The following NTRK3 variants were observed in gnomAD, a reference collection of about 807,000 sequenced individuals.
The protein encoded by NTRK3 is neurotrophic receptor tyrosine kinase 3.
NTRK3 carries 24 observed loss-of-function variants against 91.7 expected under a neutral mutation model. That is an observed-to-expected ratio of 0.26 (90% CI 0.19 to 0.37). NTRK3 has a LOEUF of 0.37. Ranked by LOEUF, NTRK3 falls within the 10% of genes least tolerant of loss-of-function variation. The pLI, the probability that NTRK3 is intolerant of heterozygous loss-of-function variation, is 1.00. For synonymous variants in NTRK3, 483 were observed against 404.0 expected, an observed-to-expected ratio of 1.20 and a Z score of -2.34; for missense variants, 880 against 1,068.9, an observed-to-expected ratio of 0.82 and a Z score of 2.46.
intron 10 of NTRK3, among the ~76,000 whole-genome samples, 173 bp downstream of exon 10, chr15:88,134,928 A>G (rs1416798083): frequency 6.6e-6 from 1 of 152,226 alleles, no homozygotes; most frequent in Non-Finnish European, 1.5e-5. Flanking sequence ...TGGAGACTCT[A>G]TCCTTGTTTA....
chr15:88,105,977 A>G (rs28542257), intron 13 of NTRK3, among the ~76,000 whole-genome samples: 18,249 of 152,308 alleles, frequency 0.12, 1,263 homozygotes, highest in African/African-American at 0.17. Context: ...GTCTTAGCCC[A>G]GAGTGTTCAC....
chr15:87,869,915 T>C (rs934992405), exon 19 of NTRK3: 3 of 190,908 alleles, frequency 1.6e-5, no homozygotes, highest in African/African-American at 2.3e-5. Flanking sequence ...GAAACTCCCA[T>C]GTGTTCTTCT....
intron 5 of NTRK3, among the ~76,000 whole-genome samples, chr15:88,153,832 GC>G (rs1209111536): frequency 6.6e-6 from 1 of 151,752 alleles, no homozygotes; most frequent in African/African-American, 2.4e-5. Context: ...TGAGGGCTCT[GC>G]CCCCATGATC....
At chr15:87,999,871 T>C (rs1051633636) in intron 14 of NTRK3, among the ~76,000 whole-genome samples, 4 of 152,130 alleles carry the variant, frequency 2.6e-5, no homozygotes. Flanking sequence ...ACCAGACAAA[T>C]TTCCACCATC....
intron 5 of NTRK3, among the ~76,000 whole-genome samples, chr15:88,166,932 G>T (rs1676432771): frequency 6.6e-6 from 1 of 151,968 alleles, no homozygotes; most frequent in African/African-American, 2.4e-5. Context: ...TTTCCTGCTT[G>T]CTTGTATGTG....
intron 14 of NTRK3, among the ~76,000 whole-genome samples, chr15:87,949,513 T>C (rs779893971): frequency 6.6e-6 from 1 of 151,124 alleles, no homozygotes; most frequent in Non-Finnish European, 1.5e-5. Flanking sequence ...CTGGAAGCAG[T>C]GAAGAGAGAG....
rs141464626 is a variant in NTRK3 at position 88,020,403 on chromosome 15, G to A, written c.1585+12454C>T. Among the ~76,000 whole-genome samples the A allele has an allele frequency of 6.5e-3, 997 of 152,276 alleles. 6 individuals are homozygous for A. Among genetic ancestry groups the A allele is most frequent in the Non-Finnish European group, 0.011 (738 of 68,026 alleles). ...AGCATCTTCATAGCTGTGGAGCCGG[G>A]TGATAAAATGCTGCTTCTTAGAGTT... On this transcript the variant is annotated intron_variant, in intron 14 of 18. Coordinates refer to ENST00000394480, the Ensembl canonical transcript of NTRK3.
intron 14 of NTRK3, among the ~76,000 whole-genome samples, chr15:87,987,900 A>G (rs1346931724): frequency 6.6e-6 from 1 of 151,690 alleles, no homozygotes; most frequent in South Asian, 2.1e-4. Flanking sequence ...TAATAATAAT[A>G]AATATAAGAT....
intron 17 of NTRK3, chr15:87,928,891 G>C (rs1400879064): frequency 7.0e-6 from 4 of 572,366 alleles, no homozygotes; most frequent in Non-Finnish European, 1.2e-5. Context: ...ACATGTATGA[G>C]TATGTTTACA....
At chr15:88,142,924 A>G (rs1408266996) in intron 6 of NTRK3, among the ~76,000 whole-genome samples, 1 of 152,164 alleles carries the variant, frequency 6.6e-6, no homozygotes, top group East Asian at 1.9e-4. Context: ...GGTACCCTTA[A>G]AAAAGAAATA....
intron 14 of NTRK3, among the ~76,000 whole-genome samples, chr15:87,947,068 G>A (rs540239626): frequency 1.4e-4 from 22 of 151,992 alleles, no homozygotes; most frequent in Non-Finnish European, 2.1e-4. Context: ...TAGTAGAGAT[G>A]GCATTTCACC....
At chr15:87,959,181 G>A (rs1214174347) in intron 14 of NTRK3, among the ~76,000 whole-genome samples, 1 of 152,080 alleles carries the variant, frequency 6.6e-6, no homozygotes, top group East Asian at 1.9e-4. Context: ...CTCATGGCTC[G>A]AACTGCCGCC....
At chr15:88,029,363 T>C (rs566913913) in intron 14 of NTRK3, among the ~76,000 whole-genome samples, 334 of 152,284 alleles carry the variant, frequency 2.2e-3, no homozygotes, top group Admixed American at 4.4e-3. Context: ...CAGCCTGACA[T>C]GCTAGGAAAA....
At chr15:88,146,348 G>T (rs1474784093) in intron 6 of NTRK3, among the ~76,000 whole-genome samples, 1 of 152,166 alleles carries the variant, frequency 6.6e-6, no homozygotes, top group Non-Finnish European at 1.5e-5. Context: ...ATAGGCAGAG[G>T]TCCAAGGTCA....
At chr15:88,119,344 C>T (rs8027555) in intron 13 of NTRK3, among the ~76,000 whole-genome samples, 14 of 152,152 alleles carry the variant, frequency 9.2e-5, no homozygotes, top group South Asian at 6.2e-4. Flanking sequence ...GAGAAGGAGA[C>T]GCAGAAGACC....
exon 19 of NTRK3, chr15:87,872,899 G>A (rs1050071569): frequency 8.6e-6 from 2 of 232,806 alleles, no homozygotes; most frequent in Non-Finnish European, 1.7e-5. Flanking sequence ...CCTCTTAAAC[G>A]TCTCAAATGA....
At chr15:88,029,871 T>A (rs1475421913) in intron 14 of NTRK3, among the ~76,000 whole-genome samples, 1 of 152,256 alleles carries the variant, frequency 6.6e-6, no homozygotes, top group Non-Finnish European at 1.5e-5. Context: ...TGCTGCTGGC[T>A]CAGCCAGTAA....
chr15:88,056,897 G>A (rs962845040), intron 13 of NTRK3, among the ~76,000 whole-genome samples: 6 of 152,186 alleles, frequency 3.9e-5, no homozygotes, highest in East Asian at 3.9e-4. Flanking sequence ...TCGGCCGGGC[G>A]CGGTGGCTCA....
exon 19 of NTRK3, chr15:87,872,232 G>A (rs779359361): frequency 3.2e-5 from 7 of 219,624 alleles, no homozygotes; most frequent in Non-Finnish European, 5.5e-5. Context: ...TCCAGATTCC[G>A]AGCAAAGCAC....
Sources: gnomAD v4.1 joint callset for allele counts (sites outside exome capture counted in the v4.1 genomes callset) on GRCh38, gnomAD v4.1.1 for gene constraint, MANE v1.5 for transcripts, NCBI Gene and HGNC (gene_info 2026-07-23, HGNC 2026-07-21) for gene names.